Variants in ROBO2 observed in about 807,000 individuals in gnomAD.
The protein encoded by ROBO2 is roundabout homolog 2.
A neutral mutation model predicts 160.8 loss-of-function variants in ROBO2; 53 were observed. The ratio of observed to expected loss-of-function variants is 0.33; its 90% CI spans 0.26 to 0.41. The LOEUF (loss-of-function observed/expected upper bound fraction) is 0.41, where lower values mean the gene tolerates loss of function less well. ROBO2 is among the 10% of genes least tolerant of loss of function. ROBO2 has a pLI of 1.00. For missense variants in ROBO2, 1,577 were observed against 1,722.4 expected (o/e 0.92, Z 1.49); for synonymous variants, 664 against 611.7 (o/e 1.09, Z -1.26).
intron 2 of ROBO2, among the ~76,000 whole-genome samples, chr3:76,354,214 T>C (rs902678183): frequency 1.3e-5 from 2 of 151,980 alleles, no homozygotes; most frequent in Admixed American, 6.6e-5. Flanking sequence ...TGTTAAAATA[T>C]GCTTTTAAAT....
At chr3:76,449,106 G>C (rs2077343392) in intron 2 of ROBO2, among the ~76,000 whole-genome samples, 1 of 152,078 alleles carries the variant, frequency 6.6e-6, no homozygotes, top group Admixed American at 6.6e-5. Flanking sequence ...TTCATGTAAT[G>C]GAACAGGGTT....
intron 4 of ROBO2, among the ~76,000 whole-genome samples, chr3:77,488,651 C>G (rs2085685407): frequency 6.6e-6 from 1 of 152,094 alleles, no homozygotes; most frequent in Admixed American, 6.5e-5. Flanking sequence ...TCTAATCCAC[C>G]TAGCTTTTCA....
intron 1 of ROBO2, among the ~76,000 whole-genome samples, chr3:77,089,340 T>C (rs2069805844): frequency 6.6e-6 from 1 of 152,186 alleles, no homozygotes; most frequent in Non-Finnish European, 1.5e-5. Flanking sequence ...GGACCTCTGA[T>C]AGCTTAATCT....
intron 2 of ROBO2, among the ~76,000 whole-genome samples, chr3:76,594,488 G>C (rs1432631325): frequency 6.6e-6 from 1 of 151,976 alleles, no homozygotes; most frequent in Non-Finnish European, 1.5e-5. Context: ...CTCTATAAAT[G>C]TATTGGAATT....
intron 2 of ROBO2, among the ~76,000 whole-genome samples, chr3:76,873,232 C>G (rs1485287656): frequency 6.6e-6 from 1 of 151,768 alleles, no homozygotes; most frequent in Non-Finnish European, 1.5e-5. Flanking sequence ...TGCTCTAGGG[C>G]AAGGAAAAAA....
chr3:75,932,895 T>C (rs1947605704), intron 1 of ROBO2, among the ~76,000 whole-genome samples: 1 of 152,148 alleles, frequency 6.6e-6, no homozygotes, highest in South Asian at 2.1e-4. Context: ...AGTTTTATCT[T>C]ATTAAAAAAT....
rs2094120857 is a variant in ROBO2, at chr3:77,589,012, A to G, written c.2683+79A>G. On this transcript the variant is annotated intron_variant, in intron 17 of 25. Transcript: ENST00000461745. Reference sequence around the variant, plus strand: ...ATGAATGGAAGGAACAGAAAGGAATAACAAATGAGTGATTTGGGCTTATTT... The same window carrying G: ...ATGAATGGAAGGAACAGAAAGGAATGACAAATGAGTGATTTGGGCTTATTT... 3 of 1,530,270 alleles carry G rather than the reference A, an allele frequency of 2.0e-6. No individual in the cohort carries two copies. In the East Asian group the frequency reaches 6.8e-5, roughly 35 times the overall value. 94.8% of individuals were successfully genotyped at this position (1,530,270 alleles called of 1,614,324 possible).
intron 2 of ROBO2, among the ~76,000 whole-genome samples, chr3:76,222,894 G>T (rs1177718360): frequency 6.6e-6 from 1 of 151,768 alleles, no homozygotes; most frequent in Non-Finnish European, 1.5e-5. Flanking sequence ...AGCTGGGACT[G>T]CAGGCACCTG....
intron 2 of ROBO2, among the ~76,000 whole-genome samples, chr3:76,537,229 G>A: frequency 6.6e-6 from 1 of 151,932 alleles, no homozygotes; most frequent in East Asian, 1.9e-4. Flanking sequence ...GATTAGGAAG[G>A]GAACAAAGTG....
intron 24 of ROBO2, among the ~76,000 whole-genome samples, chr3:77,640,969 T>C (rs2153722485): frequency 6.6e-6 from 1 of 152,294 alleles, no homozygotes; most frequent in Admixed American, 6.5e-5. Flanking sequence ...GCTGCTCTGA[T>C]GCAGAATAAA....
At chr3:76,939,463 T>G (rs1577659767) in intron 2 of ROBO2, among the ~76,000 whole-genome samples, 1 of 152,116 alleles carries the variant, frequency 6.6e-6, no homozygotes, top group South Asian at 2.1e-4. Flanking sequence ...CTTCCAAAAT[T>G]TAAAGGCTTG....
At chr3:76,871,334 C>T (rs2148678374) in intron 2 of ROBO2, among the ~76,000 whole-genome samples, 1 of 151,850 alleles carries the variant, frequency 6.6e-6, no homozygotes, top group South Asian at 2.1e-4. Flanking sequence ...GCAGGCGGAT[C>T]ACGAGGTCAG....
chr3:76,601,936 A>G (rs1033035045), intron 2 of ROBO2, among the ~76,000 whole-genome samples: 1 of 152,168 alleles, frequency 6.6e-6, no homozygotes, highest in African/African-American at 2.4e-5. Flanking sequence ...CACCCAAGTC[A>G]TCTGTTGAAT....
At chr3:75,921,744 G>A (rs1947067394) in intron 1 of ROBO2, among the ~76,000 whole-genome samples, 1 of 152,102 alleles carries the variant, frequency 6.6e-6, no homozygotes, top group Admixed American at 6.6e-5. Flanking sequence ...CACTACAGCA[G>A]ATAATTAGGT....
intron 2 of ROBO2, among the ~76,000 whole-genome samples, chr3:76,617,106 T>A (rs1399537364): frequency 2.0e-5 from 3 of 152,122 alleles, no homozygotes; most frequent in African/African-American, 7.2e-5. Flanking sequence ...ATAAGTCACA[T>A]TGTTAGGATG....
At chr3:77,617,520 A>C in exon 22 of ROBO2, 1 of 1,614,126 alleles carries the variant, frequency 6.2e-7, no homozygotes, top group Non-Finnish European at 8.5e-7. Context: ...CAGCTATGAC[A>C]GTGATAGCTG....
intron 2 of ROBO2, among the ~76,000 whole-genome samples, chr3:76,274,239 T>A (rs1193665516): frequency 6.6e-6 from 1 of 152,180 alleles, no homozygotes; most frequent in Non-Finnish European, 1.5e-5. Flanking sequence ...TATTTTTTCT[T>A]GAACTTTTGT....
rs185211791 is a variant in ROBO2, at chr3:76,030,519, A to T, written c.109+92917A>T. Among the ~76,000 whole-genome samples, 30 of 152,282 alleles carry T rather than the reference A, an allele frequency of 2.0e-4. 1 individual carries two copies. Among genetic ancestry groups the T allele is most frequent in the African/African-American group, 7.0e-4 (29 of 41,568 alleles). The stretch of plus-strand genomic sequence containing the variant: ...TTTTAGGTCTAACATGTAAGTCTTT[A>T]ATCCATGTTGAATTAGTTTTTGTAT... On this transcript the variant is annotated intron_variant, in intron 2 of 26. Coordinates refer to the ROBO2 transcript ENST00000487694.
At chr3:76,538,680 C>T (rs532755119) in intron 2 of ROBO2, among the ~76,000 whole-genome samples, 9 of 152,168 alleles carry the variant, frequency 5.9e-5, no homozygotes, top group East Asian at 3.9e-4. Context: ...TAAATAAACC[C>T]GTCACTGTGT....
Sources: allele counts gnomAD v4.1 joint callset (sites outside exome capture counted in the v4.1 genomes callset), GRCh38; gene constraint gnomAD v4.1.1; transcripts MANE v1.5; gene names NCBI Gene and HGNC (gene_info 2026-07-23, HGNC 2026-07-21).